The following MTA3 variants were observed in gnomAD, a reference collection of about 807,000 sequenced individuals.
The protein encoded by MTA3 is metastasis associated 1 family member 3.
In MTA3, 34 loss-of-function variants were observed where a neutral mutation model predicts 83.5. The observed-to-expected ratio is 0.41, with a 90% CI of 0.31 to 0.54. The LOEUF (loss-of-function observed/expected upper bound fraction) is 0.54. Ranked by LOEUF, MTA3 falls within the 20% of genes least tolerant of loss-of-function variation. The probability of loss-of-function intolerance (pLI) is 0.33; values close to 1 mark genes in which losing one functional copy is unlikely to be tolerated. For missense variants in MTA3, 761 were observed against 726.4 expected (o/e 1.05, Z -0.55); for synonymous variants, 303 against 252.7 (o/e 1.20, Z -1.89).
At chr2:42,670,909 T>TTA (rs1271082149) in intron 8 of MTA3, among the ~76,000 whole-genome samples, 2 of 152,170 alleles carry the variant, frequency 1.3e-5, no homozygotes, top group African/African-American at 4.8e-5. Context: ...ATTAACCTTG[T>TTA]TACAGTACTG....
At chr2:42,677,037 A>C (rs1691426402) in intron 8 of MTA3, among the ~76,000 whole-genome samples, 1 of 152,230 alleles carries the variant, frequency 6.6e-6, no homozygotes, top group Admixed American at 6.5e-5. Flanking sequence ...TGAGGATGGC[A>C]CTGAATCAGA....
rs561749797 is a variant in MTA3, at chr2:42,610,122, A to G, written c.317+538A>G. Among the ~76,000 whole-genome samples, 151 of 152,294 alleles carry G rather than the reference A, an allele frequency of 9.9e-4. 3 individuals carry two copies. In the South Asian group the frequency reaches 0.019, roughly 19 times the overall value. On this transcript the variant is annotated intron_variant, in intron 4 of 16. Coordinates refer to ENST00000405094, the MANE Select transcript of MTA3 (RefSeq NM_001330442.2). ...CTTTAAAAACAAACGAAAAAAAACA[A>G]TAAGACAATAAAAATCGGGCCTTTC...
chr2:42,577,105 A>AAAAAAAAATATATATATATAT (rs1211189566), intron 2 of MTA3, among the ~76,000 whole-genome samples: 1 of 86,952 alleles, frequency 1.2e-5, no homozygotes, highest in African/African-American at 5.5e-5. Flanking sequence ...AAAAAAAAAA[A>AAAAAAAAATATATATATATAT]ATATATATAT....
At chr2:42,525,626 CTTTCTTT>C (rs1675669203) in intron 2 of MTA3, among the ~76,000 whole-genome samples, 1 of 72,838 alleles carries the variant, frequency 1.4e-5, no homozygotes, top group African/African-American at 5.2e-5. Context: ...TTCCTTCCTA[CTTTCTTT>C]CTTTCTTTCT....
At position 42,755,836 on chromosome 2, in the gene MTA3, C is replaced by T. The variant is rs1214705897; in HGVS notation, c.*2437C>T. ...TGCGCAGCCCCCAGCAGACATGCCC[C>T]TGGGGTGAGGACACAGGCTCTGCAG... On this transcript the variant is annotated 3_prime_UTR_variant, in exon 17 of 17. Coordinates refer to ENST00000405094, the MANE Select transcript of MTA3 (RefSeq NM_001330442.2). The T allele has an allele frequency of 9.1e-6, 9 of 985,494 alleles. No individual in the cohort carries two copies. The highest frequency in any genetic ancestry group is 1.1e-5 in the Non-Finnish European group (9 of 830,076). 61.0% of individuals were successfully genotyped at this position (985,494 alleles called of 1,614,324 possible). A position where few individuals can be genotyped will look rare whatever the true frequency, so the allele number is the denominator to read the frequency against.
At chr2:42,688,614 G>GTTT (rs3040121) in intron 9 of MTA3, among the ~76,000 whole-genome samples, 3 of 121,572 alleles carry the variant, frequency 2.5e-5, no homozygotes, top group South Asian at 2.7e-4. Context: ...GCATTCAAGT[G>GTTT]TTTTTTTTTT....
At chr2:42,706,298 A>T (rs990203910) in intron 12 of MTA3, among the ~76,000 whole-genome samples, 2 of 152,210 alleles carry the variant, frequency 1.3e-5, no homozygotes, top group Admixed American at 6.5e-5. Context: ...AAAAATTTAA[A>T]AAATGACTTA....
chr2:42,693,865 C>CTGGG (rs1195585406), intron 9 of MTA3, among the ~76,000 whole-genome samples: 1 of 152,120 alleles, frequency 6.6e-6, no homozygotes. Flanking sequence ...TGGGAATGTG[C>CTGGG]TGGGTCACAC....
upstream of MTA3, among the ~76,000 whole-genome samples, chr2:42,563,698 C>T (rs898026167): frequency 1.5e-4 from 23 of 152,114 alleles, no homozygotes; most frequent in African/African-American, 4.3e-4. Context: ...GATCTCCTGA[C>T]GTCATGATCT....
chr2:42,522,789 G>A (rs1461483412), intron 2 of MTA3, among the ~76,000 whole-genome samples: 2 of 151,438 alleles, frequency 1.3e-5, no homozygotes, highest in East Asian at 1.9e-4. Flanking sequence ...AAGGAAGAAG[G>A]GAGATCAACA....
chr2:42,610,546 G>A lies in MTA3; in HGVS notation c.317+962G>A, dbSNP rs576877591. On this transcript the variant is annotated intron_variant, in intron 4 of 16. Coordinates refer to ENST00000405094, the MANE Select transcript of MTA3 (RefSeq NM_001330442.2). ...GAAAAAACCTAGCCCCTTGTTTGTC[G>A]TTTTGGCAGTTGTTGAGGAAAAACG... Among the ~76,000 whole-genome samples the A allele has an allele frequency of 4.6e-5, 7 of 152,240 alleles. No individual in the cohort carries two copies. In the South Asian group the frequency reaches 8.3e-4, roughly 18 times the overall value.
intron 3 of MTA3, 42 bp downstream of exon 3, chr2:42,579,242 G>T: frequency 3.5e-6 from 5 of 1,411,040 alleles, no homozygotes; most frequent in Non-Finnish European, 4.8e-6. Flanking sequence ...TTTAAGTCTT[G>T]TGTTTTTTGT....
chr2:42,610,990 T>C (rs950670827), intron 4 of MTA3, among the ~76,000 whole-genome samples: 3 of 150,084 alleles, frequency 2.0e-5, no homozygotes, highest in Admixed American at 2.0e-4. Flanking sequence ...TTCTTTTTTT[T>C]TTTTTTTTTG....
At chr2:42,690,630 G>T (rs974333561) in intron 9 of MTA3, among the ~76,000 whole-genome samples, 12 of 146,746 alleles carry the variant, frequency 8.2e-5, no homozygotes, top group African/African-American at 3.0e-4. Flanking sequence ...GATTTTTCAG[G>T]TTCATAGTAG....
intron 2 of MTA3, among the ~76,000 whole-genome samples, chr2:42,527,463 A>G (rs1040498913): frequency 6.6e-6 from 1 of 152,106 alleles, no homozygotes; most frequent in African/African-American, 2.4e-5. Context: ...TTTTTCCTCT[A>G]GATTCCTTTT....
intron 7 of MTA3, among the ~76,000 whole-genome samples, chr2:42,658,071 C>CAAAAAAAAAAAAAAAAAAAAAAAAA (rs59628946): frequency 1.9e-5 from 1 of 51,918 alleles, no homozygotes; most frequent in Non-Finnish European, 3.3e-5. Context: ...GACTCTGTCT[C>CAAAAAAAAAAAAAAAAAAAAAAAAA]AAAAAAAAAA....
At chr2:42,497,527 G>A (rs1204081095) in intron 2 of MTA3, among the ~76,000 whole-genome samples, 1 of 151,796 alleles carries the variant, frequency 6.6e-6, no homozygotes, top group African/African-American at 2.4e-5. Context: ...AGAAGTTGCA[G>A]TGAGCCGAGA....
At chr2:42,680,473 G>A (rs1370219985) in intron 8 of MTA3, among the ~76,000 whole-genome samples, 3 of 152,170 alleles carry the variant, frequency 2.0e-5, no homozygotes, top group Admixed American at 6.5e-5. Flanking sequence ...GATACTTTGC[G>A]TAAAAGGTGC....
At chr2:42,595,258 T>G (rs958625519) in intron 3 of MTA3, among the ~76,000 whole-genome samples, 1 of 150,148 alleles carries the variant, frequency 6.7e-6, no homozygotes, top group Non-Finnish European at 1.5e-5. Context: ...TACAGGTGCC[T>G]GCCACCATGC....
Sources: allele counts gnomAD v4.1 joint callset (sites outside exome capture counted in the v4.1 genomes callset), GRCh38; gene constraint gnomAD v4.1.1; transcripts MANE v1.5; gene names NCBI Gene and HGNC (gene_info 2026-07-23, HGNC 2026-07-21).